The following WDFY3 variants were observed in gnomAD, a reference collection of about 807,000 sequenced individuals.
The protein encoded by WDFY3 is WD repeat and FYVE domain containing 3, also known as WD repeat and FYVE domain-containing protein 3.
WDFY3 carries 66 observed loss-of-function variants against 409.6 expected under a neutral mutation model. That is an observed-to-expected ratio of 0.16 (90% CI 0.13 to 0.20). WDFY3 has a LOEUF of 0.20. WDFY3 is among the 10% of genes least tolerant of loss of function. The pLI is 1.00. For synonymous variants in WDFY3, 1,521 were observed against 1,537.1 expected, an observed-to-expected ratio of 0.99 and a Z score of 0.25; for missense variants, 3,031 against 4,298.1, an observed-to-expected ratio of 0.71 and a Z score of 8.24.
rs1462859357 is a variant in WDFY3, at chr4:84,799,325, CAT to C, written c.2823-1219_2823-1218del. Among the ~76,000 whole-genome samples, 84 of 143,550 alleles carry C rather than the reference CAT, an allele frequency of 5.9e-4. 1 individual carries two copies. Among genetic ancestry groups the C allele is most frequent in the Middle Eastern group, 7.0e-3 (2 of 284 alleles). 94.2% of individuals were successfully genotyped at this position (143,550 alleles called of 152,430 possible). A position where few individuals can be genotyped will look rare whatever the true frequency, so the allele number is the denominator to read the frequency against. On this transcript the variant is annotated intron_variant, in intron 17 of 67. Transcript: ENST00000295888. ...GCACACGCCACCATGCTAGTTAATA[CAT>C]ATATATATATATTTTTTTTTTTTTT...
chr4:84,802,503 C>T lies in WDFY3; in HGVS notation c.2608-639G>A, dbSNP rs185754997. On this transcript the variant is annotated intron_variant, in intron 16 of 67. Coordinates refer to ENST00000295888, the MANE Select transcript of WDFY3 (RefSeq NM_014991.6). ...CAGGATGGTCTTGATCTCCTGACCTCGTGATACACCCGCCTCAGCCTCCCA... is the reference window on the plus strand; with the variant it reads ...CAGGATGGTCTTGATCTCCTGACCTTGTGATACACCCGCCTCAGCCTCCCA... Among the ~76,000 whole-genome samples, 564 of 150,222 alleles carry T rather than the reference C, an allele frequency of 3.8e-3. 4 individuals carry two copies. The highest frequency in any genetic ancestry group is 0.013 in the African/African-American group (536 of 40,726).
chr4:84,741,246 T>C (rs1159665365), intron 38 of WDFY3, among the ~76,000 whole-genome samples: 1 of 152,042 alleles, frequency 6.6e-6, no homozygotes, highest in African/African-American at 2.4e-5. Flanking sequence ...CCTAGGCAAC[T>C]TTACAAAGGA....
At chr4:84,766,069 A>G in intron 31 of WDFY3, 42 bp from the exon 32 acceptor site, 1 of 1,579,350 alleles carries the variant, frequency 6.3e-7, no homozygotes, top group Non-Finnish European at 8.6e-7. Context: ...AAACAAAATT[A>G]ATTTCAGAAA....
At chr4:84,735,158 G>A in intron 42 of WDFY3, 38 bp from the exon 43 acceptor site, 1 of 1,561,432 alleles carries the variant, frequency 6.4e-7, no homozygotes, top group African/African-American at 1.4e-5. Flanking sequence ...ATATTTCATG[G>A]ATTTCTGGAA....
intron 51 of WDFY3, among the ~76,000 whole-genome samples, chr4:84,710,570 T>G (rs1394076680): frequency 6.6e-6 from 1 of 152,240 alleles, no homozygotes; most frequent in African/African-American, 2.4e-5. Context: ...TTTTCCACTT[T>G]GAGATAGTCT....
At chr4:84,918,184 C>T (rs1048276801) in intron 2 of WDFY3, among the ~76,000 whole-genome samples, 1 of 152,106 alleles carries the variant, frequency 6.6e-6, no homozygotes, top group African/African-American at 2.4e-5. Context: ...ACCACTTCGA[C>T]CTAGTAATTC....
intron 1 of WDFY3, among the ~76,000 whole-genome samples, chr4:84,943,991 T>C (rs1772479581): frequency 6.6e-6 from 1 of 152,158 alleles, no homozygotes; most frequent in Non-Finnish European, 1.5e-5. Context: ...TTGTTAATTA[T>C]AGAGCAAATT....
chr4:84,735,142 G>A, intron 42 of WDFY3, 22 bp from the exon 43 acceptor site: 1 of 1,593,574 alleles, frequency 6.3e-7, no homozygotes, highest in Non-Finnish European at 8.5e-7. Context: ...TGGAAAAAGA[G>A]TCTTAATATT....
At chr4:84,851,051 T>C (rs961937498) in intron 4 of WDFY3, among the ~76,000 whole-genome samples, 6 of 146,520 alleles carry the variant, frequency 4.1e-5, no homozygotes, top group African/African-American at 1.5e-4. Flanking sequence ...CCTCCCTAAG[T>C]GCTGGGATTA....
chr4:84,885,802 T>C (rs1334807213), intron 3 of WDFY3, among the ~76,000 whole-genome samples: 1 of 152,202 alleles, frequency 6.6e-6, no homozygotes, highest in Non-Finnish European at 1.5e-5. Flanking sequence ...CACACATGAC[T>C]AGTGAGAAAA....
At chr4:84,683,814 T>C in intron 63 of WDFY3, 129 bp downstream of exon 63, 1 of 952,980 alleles carries the variant, frequency 1.0e-6, no homozygotes, top group Non-Finnish European at 1.5e-6. Context: ...CCAAGGCCTG[T>C]CTGAGCTGGA....
In WDFY3 at chr4:84,705,518, T is replaced by C. The variant is rs752918907; in HGVS notation, c.8218-7A>G. On this transcript the variant is annotated splice_polypyrimidine_tract_variant and splice_region_variant and intron_variant, in intron 53 of 67. Transcript: ENST00000295888. ...GATTAGTAAGATCCACCTCCTAAAA[T>C]ACAAAATGTAACTCAATTCCAAGTT... The C allele has an allele frequency of 8.7e-6, 14 of 1,607,854 alleles. No homozygotes were observed. In the South Asian group the frequency reaches 1.3e-4, roughly 15 times the overall value.
intron 44 of WDFY3, among the ~76,000 whole-genome samples, chr4:84,730,134 C>T (rs923534992): frequency 2.0e-5 from 3 of 152,096 alleles, no homozygotes; most frequent in Non-Finnish European, 4.4e-5. Flanking sequence ...CCTTTCAAAA[C>T]CCTGGAAACA....
chr4:84,736,937 A>G (rs527494851), intron 41 of WDFY3, among the ~76,000 whole-genome samples: 18 of 151,884 alleles, frequency 1.2e-4, no homozygotes, highest in Non-Finnish European at 2.1e-4. Flanking sequence ...TAGAGCTGTT[A>G]GCAATGCATT....
intron 12 of WDFY3, among the ~76,000 whole-genome samples, chr4:84,819,802 A>G (rs957041920): frequency 6.6e-6 from 1 of 152,138 alleles, no homozygotes; most frequent in African/African-American, 2.4e-5. Flanking sequence ...AACTTATTTG[A>G]GTAAGAGTGT....
chr4:84,909,742 G>A (rs138319064), intron 2 of WDFY3, among the ~76,000 whole-genome samples: 32 of 151,974 alleles, frequency 2.1e-4, no homozygotes, highest in East Asian at 1.4e-3. Context: ...ACTAGATTAC[G>A]TGACTTATTG....
rs1729647364 is a variant in WDFY3 at position 84,693,778 on chromosome 4, C to A, written c.8902-746G>T. ...GGCGTGGTGGTACACGCCTGTAGTT[C>A]CAGCTACTTGGGAGGGTGAGGCAGG... On this transcript the variant is annotated intron_variant, in intron 58 of 67. Transcript: ENST00000295888. Among the ~76,000 whole-genome samples the A allele has an allele frequency of 2.6e-5, 4 of 151,848 alleles. No homozygotes were observed. The South Asian group carries it at 8.3e-4, about 32-fold the overall frequency.
intron 1 of WDFY3, among the ~76,000 whole-genome samples, chr4:84,932,893 T>C (rs1448384941): frequency 6.6e-6 from 1 of 152,218 alleles, no homozygotes; most frequent in African/African-American, 2.4e-5. Flanking sequence ...GTTATTTGGG[T>C]TGCCTTATAC....
In WDFY3 at chr4:84,855,133, A is replaced by G. The variant is rs536962533; in HGVS notation, c.181-5108T>C. ...TTTAAAATCTGCGTAGCACTATTCA[A>G]GAACTTGGTGTCATTTAAGTCTCAT... On this transcript the variant is annotated intron_variant, in intron 4 of 67. Transcript: ENST00000295888. Among the ~76,000 whole-genome samples the G allele has an allele frequency of 4.6e-5, 7 of 152,358 alleles. No individual in the cohort carries two copies. The East Asian group carries it at 1.2e-3, about 25-fold the overall frequency.
Sources: allele counts gnomAD v4.1 joint callset (sites outside exome capture counted in the v4.1 genomes callset), GRCh38; gene constraint gnomAD v4.1.1; transcripts MANE v1.5; gene names NCBI Gene and HGNC (gene_info 2026-07-23, HGNC 2026-07-21).